Variants in TLCD3B observed in about 807,000 individuals in gnomAD.
TLCD3B encodes the protein ceramide synthase.
Under a neutral mutation model 23.0 loss-of-function variants are expected in TLCD3B, and 9 were observed. The ratio of observed to expected loss-of-function variants is 0.39; its 90% CI spans 0.24 to 0.68. TLCD3B has a LOEUF of 0.68. TLCD3B is among the 30% of genes least tolerant of loss of function. The probability of loss-of-function intolerance (pLI) is 0.44; values close to 1 mark genes in which losing one functional copy is unlikely to be tolerated. For synonymous variants in TLCD3B, 161 were observed against 161.0 expected (o/e 1.00, Z 0.00); for missense variants, 307 against 371.8 (o/e 0.83, Z 1.43).
At chr16:30,039,184 C>A (rs67218159) in intron 3 of TLCD3B, among the ~76,000 whole-genome samples, 36 of 146,716 alleles carry the variant, frequency 2.5e-4, no homozygotes, top group Non-Finnish European at 4.6e-4. Context: ...AGCGCAATAG[C>A]GCAATCTCAG....
chr16:30,032,161 G>T (rs1211651423), upstream of TLCD3B, among the ~76,000 whole-genome samples: 1 of 152,192 alleles, frequency 6.6e-6, no homozygotes, highest in African/African-American at 2.4e-5. Flanking sequence ...CATAAGGAAA[G>T]TGAGGCCTGG....
rs1382650390 is a variant in TLCD3B, at chr16:30,025,682, G to C, written c.540+44C>G. 3 of 1,593,082 alleles carry C rather than the reference G, an allele frequency of 1.9e-6. No homozygotes were observed. The South Asian group carries it at 3.3e-5, about 18-fold the overall frequency. On this transcript the variant is annotated intron_variant, in intron 4 of 4. Coordinates refer to ENST00000380495, the MANE Select transcript of TLCD3B (RefSeq NM_031478.6). This position sits in a 1 kb window ranked among gnomAD's most constrained non-coding sequence, Gnocchi z 4.1. ...AACCTTGAAGGTCCCTCCCCTTCCT[G>C]TGACCTCCCCATTGGGCTCCTGCAC...
In TLCD3B at chr16:30,025,532, T is replaced by C; in HGVS notation, c.541-65A>G. 1.9e-6 allele frequency: 3 copies of C among 1,591,592 alleles called. No homozygotes were observed. Among genetic ancestry groups the C allele is most frequent in the Non-Finnish European group, 2.6e-6 (3 of 1,165,564 alleles). On this transcript the variant is annotated intron_variant, in intron 4 of 4. Coordinates refer to ENST00000380495, the MANE Select transcript of TLCD3B (RefSeq NM_031478.6). The surrounding 1 kb of genome is among the most constrained non-coding windows in gnomAD (Gnocchi z 4.1). ...GCTCGGCCCCCCTTGGCCCTCTCCC[T>C]GCCTCCCTGCGACCCTAGCAGGCAG...
upstream of TLCD3B, among the ~76,000 whole-genome samples, chr16:30,031,719 A>G (rs1242313794): frequency 6.6e-6 from 1 of 152,228 alleles, no homozygotes; most frequent in Non-Finnish European, 1.5e-5. Context: ...GGAAGCTGAC[A>G]TTGGCCAGAG....
intron 1 of TLCD3B, among the ~76,000 whole-genome samples, chr16:30,047,423 G>A (rs975456564): frequency 6.6e-6 from 1 of 152,140 alleles, no homozygotes; most frequent in African/African-American, 2.4e-5. Flanking sequence ...CCAGGTTCAA[G>A]CAATTCTCCT....
chr16:30,038,434 C>T (rs1403512073), intron 3 of TLCD3B, among the ~76,000 whole-genome samples: 1 of 152,028 alleles, frequency 6.6e-6, no homozygotes, highest in African/African-American at 2.4e-5. Flanking sequence ...CCTTGGGCCA[C>T]AGAGTGCGAC....
At chr16:30,044,303 T>C (rs1170531760) in intron 2 of TLCD3B, among the ~76,000 whole-genome samples, 1 of 151,386 alleles carries the variant, frequency 6.6e-6, no homozygotes, top group Admixed American at 6.6e-5. Flanking sequence ...AAACTAACCA[T>C]GTACTTTATT....
chr16:30,045,866 A>T (rs918109759), intron 2 of TLCD3B, among the ~76,000 whole-genome samples: 11 of 152,048 alleles, frequency 7.2e-5, no homozygotes, highest in Non-Finnish European at 1.5e-4. Flanking sequence ...GAAGGGAGAC[A>T]CACCAGCCTG....
In TLCD3B at chr16:30,030,455, G is replaced by A. The variant is rs777306533; in HGVS notation, c.73C>T (p.Arg25Trp). 1.6e-5 allele frequency: 26 copies of A among 1,606,824 alleles called. No individual in the cohort carries two copies. The highest frequency in any genetic ancestry group is 1.1e-4 in the South Asian group (10 of 90,348). ...LFLLSKNTLQRLPQLRWEEAD... is the reference protein window; with the variant it reads ...LFLLSKNTLQWLPQLRWEEAD... Reference sequence around the variant, plus strand: ...TCCTCCCAGCGTAGCTGGGGCAGCCGCTGGAGCGTGTTCTTGGAGAGGAGG... The same window carrying A: ...TCCTCCCAGCGTAGCTGGGGCAGCCACTGGAGCGTGTTCTTGGAGAGGAGG... Residue 25 changes from arginine (R) to tryptophan (W), a missense_variant, in exon 1 of 5, where the codon CGG (arginine) becomes TGG (tryptophan). Transcript: ENST00000380495.
chr16:30,040,871 G>A (rs2071570524), intron 3 of TLCD3B: 1 of 152,698 alleles, frequency 6.5e-6, no homozygotes, highest in African/African-American at 2.4e-5. Flanking sequence ...ATGTTGCCCA[G>A]GCTGGTCTTC....
At chr16:30,035,411 C>T, upstream of TLCD3B, 1 of 1,289,646 alleles carries the variant, frequency 7.8e-7, no homozygotes, top group South Asian at 1.2e-5. Context: ...GTTCTGCAAG[C>T]CCCAGCGCAG....
At chr16:30,052,123 T>C (rs932504926) in intron 1 of TLCD3B, among the ~76,000 whole-genome samples, 2 of 152,106 alleles carry the variant, frequency 1.3e-5, no homozygotes, top group African/African-American at 2.4e-5. Context: ...TCCTAGCACT[T>C]TGGGAGGCCA....
chr16:30,027,358 A>T (rs1268728739), intron 2 of TLCD3B, among the ~76,000 whole-genome samples: 6 of 152,204 alleles, frequency 3.9e-5, no homozygotes, highest in Admixed American at 3.9e-4. Context: ...ACCCTGTAAA[A>T]GGTAGGTGTG....
chr16:30,040,147 A>AAAAAT, intron 3 of TLCD3B, among the ~76,000 whole-genome samples: 2,925 of 95,806 alleles, frequency 0.031, 79 homozygotes, highest in Middle Eastern at 0.052. Context: ...AAAAAAAAAA[A>AAAAAT]ATATATATAT....
chr16:30,029,675 C>A lies in TLCD3B; in HGVS notation c.126-160G>T. 1.5e-6 allele frequency: 1 copy of A among 659,058 alleles called. No homozygotes were observed. The highest frequency in any genetic ancestry group is 2.7e-6 in the Non-Finnish European group (1 of 369,128). 40.8% of individuals were successfully genotyped at this position (659,058 alleles called of 1,614,324 possible). A position where few individuals can be genotyped will look rare whatever the true frequency, so the allele number is the denominator to read the frequency against. On this transcript the variant is annotated intron_variant, in intron 1 of 4. Coordinates refer to ENST00000380495, the MANE Select transcript of TLCD3B (RefSeq NM_031478.6). This position sits in a 1 kb window ranked among gnomAD's most constrained non-coding sequence, Gnocchi z 4.6. ...AAGGCTGGGCTGCCTGAGGTGTGCC[C>A]CACCACAGGTACCTCACGGCTCTCC...
At chr16:30,042,824 C>G (rs1473632910) in intron 2 of TLCD3B, among the ~76,000 whole-genome samples, 3 of 152,060 alleles carry the variant, frequency 2.0e-5, no homozygotes, top group Non-Finnish European at 4.4e-5. Context: ...TTAGGCCAGG[C>G]ACAGTGGCTC....
intron 3 of TLCD3B, among the ~76,000 whole-genome samples, chr16:30,037,863 A>G (rs1200444403): frequency 6.6e-6 from 1 of 152,190 alleles, no homozygotes; most frequent in Non-Finnish European, 1.5e-5. Flanking sequence ...TCAAAGAAAC[A>G]TTTCACTTCC....
upstream of TLCD3B, among the ~76,000 whole-genome samples, chr16:30,033,969 A>C (rs2071417361): frequency 6.6e-6 from 1 of 151,754 alleles, no homozygotes; most frequent in Admixed American, 6.6e-5. Flanking sequence ...CTATCTCAAA[A>C]AAATAAAAAG....
intron 3 of TLCD3B, among the ~76,000 whole-genome samples, chr16:30,040,580 G>T (rs1423251331): frequency 6.6e-6 from 1 of 152,048 alleles, no homozygotes; most frequent in African/African-American, 2.4e-5. Flanking sequence ...GAGGGAAAAA[G>T]GGGAAGAGAA....
Sources: allele counts gnomAD v4.1 joint callset (sites outside exome capture counted in the v4.1 genomes callset), GRCh38; gene constraint gnomAD v4.1.1; non-coding constraint Gnocchi (gnomAD v3.1); transcripts MANE v1.5; gene names NCBI Gene and HGNC (gene_info 2026-07-23, HGNC 2026-07-21).